The following ATP2B2 variants were observed in gnomAD, a reference collection of about 807,000 sequenced individuals.
ATP2B2 encodes plasma membrane calcium-transporting ATPase 2.
A neutral mutation model predicts 120.0 loss-of-function variants in ATP2B2; 15 were observed. That is an observed-to-expected ratio of 0.12 (90% CI 0.08 to 0.19). The LOEUF (loss-of-function observed/expected upper bound fraction) is 0.19. ATP2B2 is among the 10% of genes least tolerant of loss of function. The pLI, the probability that ATP2B2 is intolerant of heterozygous loss-of-function variation, is 1.00. For missense variants in ATP2B2, 1,045 were observed against 1,719.8 expected (o/e 0.61, Z 6.94); for synonymous variants, 694 against 700.3 (o/e 0.99, Z 0.14).
At chr3:10,497,428 T>A (rs1280719544) in intron 1 of ATP2B2, among the ~76,000 whole-genome samples, 4 of 152,268 alleles carry the variant, frequency 2.6e-5, no homozygotes, top group Non-Finnish European at 4.4e-5. Context: ...CAGCCTCAAC[T>A]GCTATTATTT....
At chr3:10,365,049 T>G (rs1001474223) in intron 12 of ATP2B2, among the ~76,000 whole-genome samples, 2 of 152,250 alleles carry the variant, frequency 1.3e-5, no homozygotes, top group African/African-American at 4.8e-5. Flanking sequence ...GGGGCTGCTC[T>G]TTCTCTCATT....
chr3:10,337,619 G>A (rs1227519758), intron 22 of ATP2B2, among the ~76,000 whole-genome samples: 1 of 152,144 alleles, frequency 6.6e-6, no homozygotes, highest in African/African-American at 2.4e-5. Flanking sequence ...GTGCTCCCCT[G>A]GTGTGCTTGG....
intron 1 of ATP2B2, among the ~76,000 whole-genome samples, chr3:10,648,153 T>C (rs73037804): frequency 6.6e-6 from 1 of 152,054 alleles, no homozygotes; most frequent in Non-Finnish European, 1.5e-5. Flanking sequence ...CCCAGCTGGT[T>C]GCCCTTGAAC....
chr3:10,478,124 T>C (rs1301685868), intron 1 of ATP2B2, among the ~76,000 whole-genome samples: 1 of 152,210 alleles, frequency 6.6e-6, no homozygotes, highest in Admixed American at 6.5e-5. Flanking sequence ...CTCTAATAAC[T>C]AGTGGTGCTG....
At chr3:10,364,765 A>C (rs2060994132) in intron 12 of ATP2B2, among the ~76,000 whole-genome samples, 1 of 152,062 alleles carries the variant, frequency 6.6e-6, no homozygotes. Context: ...TCCCAAACGA[A>C]CCCCATAGCA....
At chr3:10,592,805 C>T (rs541274552) in intron 2 of ATP2B2, among the ~76,000 whole-genome samples, 3 of 152,284 alleles carry the variant, frequency 2.0e-5, no homozygotes, top group African/African-American at 4.8e-5. Flanking sequence ...TTTTTTGGGA[C>T]AGGATCTAGC....
At chr3:10,497,717 C>T (rs1440899204) in intron 1 of ATP2B2, among the ~76,000 whole-genome samples, 1 of 152,188 alleles carries the variant, frequency 6.6e-6, no homozygotes, top group Non-Finnish European at 1.5e-5. Flanking sequence ...CTTTAAATTC[C>T]TCCTTGTACT....
At chr3:10,679,288 A>C (rs1200778323) in intron 1 of ATP2B2, among the ~76,000 whole-genome samples, 1 of 152,256 alleles carries the variant, frequency 6.6e-6, no homozygotes, top group Admixed American at 6.5e-5. Context: ...GTTATGCAGC[A>C]ATAGACAACC....
intron 3 of ATP2B2, among the ~76,000 whole-genome samples, chr3:10,520,799 A>G (rs2066970862): frequency 6.6e-6 from 1 of 152,038 alleles, no homozygotes; most frequent in African/African-American, 2.4e-5. Flanking sequence ...CCCAAATAAA[A>G]AAGAGTGCCT....
chr3:10,680,889 G>T (rs77034885), intron 1 of ATP2B2, among the ~76,000 whole-genome samples: 64 of 152,272 alleles, frequency 4.2e-4, no homozygotes, highest in African/African-American at 1.5e-3. Flanking sequence ...TCTCCATGTG[G>T]AGGTGGGGCC....
chr3:10,604,891 T>C (rs2069020415), intron 2 of ATP2B2, among the ~76,000 whole-genome samples: 1 of 152,134 alleles, frequency 6.6e-6, no homozygotes, highest in Admixed American at 6.5e-5. Context: ...CTGCTCCCCC[T>C]CCTCCATGTA....
At position 10,343,081 on chromosome 3, in the gene ATP2B2, C is replaced by A. The variant is rs1263976225; in HGVS notation, c.2704-116G>T. 3.0e-6 allele frequency: 3 copies of A among 1,001,166 alleles called. No individual in the cohort carries two copies. Among genetic ancestry groups the A allele is most frequent in the Non-Finnish European group, 3.0e-6 (2 of 662,614 alleles). 62.0% of individuals were successfully genotyped at this position (1,001,166 alleles called of 1,614,324 possible). ...CTGCTGGAGGCTGGAGTCCGACCTG[C>A]CCCTTGGCTCCCCAGCAGGCATGGA... On this transcript the variant is annotated intron_variant, in intron 18 of 22. Transcript: ENST00000360273. The surrounding 1 kb of genome is among the most constrained non-coding windows in gnomAD (Gnocchi z 4.2).
intron 2 of ATP2B2, among the ~76,000 whole-genome samples, chr3:10,425,076 G>A (rs1199386270): frequency 6.6e-6 from 1 of 151,778 alleles, no homozygotes; most frequent in Non-Finnish European, 1.5e-5. Flanking sequence ...GGATCATCTG[G>A]GGCCAGGAGT....
At chr3:10,668,677 C>T (rs1458194440) in intron 1 of ATP2B2, among the ~76,000 whole-genome samples, 4 of 152,148 alleles carry the variant, frequency 2.6e-5, no homozygotes, top group African/African-American at 9.6e-5. Flanking sequence ...ACTTCAAACT[C>T]CCAATCCCTC....
In ATP2B2 at chr3:10,360,049, C is replaced by T. The variant is rs142322432; in HGVS notation, c.1734G>A (p.Leu578=). Residue 578 remains leucine, a synonymous_variant, in exon 13 of 23, where the codon CTG becomes CTA. Transcript: ENST00000360273. The part of the protein sequence containing the change: ...KTECGLLGFV[L]DLKQDYEPVR... ...CGGGCTCGTAGTCCTGCTTCAGGTC[C>T]AGCACGAAGCCCAGCAGGCCGCACT... 49 of 1,613,044 alleles carry T rather than the reference C, an allele frequency of 3.0e-5. No homozygotes were observed. The highest frequency in any genetic ancestry group is 3.9e-5 in the Non-Finnish European group (46 of 1,179,056).
At chr3:10,671,538 G>A (rs2071096626) in intron 1 of ATP2B2, among the ~76,000 whole-genome samples, 1 of 152,126 alleles carries the variant, frequency 6.6e-6, no homozygotes, top group Non-Finnish European at 1.5e-5. Flanking sequence ...TCACCCTAGG[G>A]AGGAGTCTGA....
intron 1 of ATP2B2, among the ~76,000 whole-genome samples, chr3:10,640,235 A>C (rs994571267): frequency 2.0e-5 from 3 of 152,174 alleles, no homozygotes; most frequent in Non-Finnish European, 4.4e-5. Flanking sequence ...CTTTCACCCT[A>C]CTGGACTTGC....
At chr3:10,403,900 C>T (rs568907353) in intron 3 of ATP2B2, among the ~76,000 whole-genome samples, 2 of 152,374 alleles carry the variant, frequency 1.3e-5, no homozygotes, top group Non-Finnish European at 2.9e-5. Context: ...GCAGCCCCCT[C>T]TGCCATGTGT....
intron 21 of ATP2B2, 113 bp from the exon 22 acceptor site, chr3:10,338,471 T>A: frequency 9.8e-7 from 1 of 1,024,376 alleles, no homozygotes; most frequent in Non-Finnish European, 1.5e-6. Flanking sequence ...AGGCATGTGA[T>A]CAATCTACTC....
Sources: gnomAD v4.1 joint callset for allele counts (sites outside exome capture counted in the v4.1 genomes callset) on GRCh38, gnomAD v4.1.1 for gene constraint, Gnocchi (gnomAD v3.1) non-coding constraint, MANE v1.5 for transcripts, NCBI Gene and HGNC (gene_info 2026-07-23, HGNC 2026-07-21) for gene names.